Variants in RPS6KB1 observed in about 807,000 individuals in gnomAD.
RPS6KB1 encodes ribosomal protein S6 kinase B1, also known as ribosomal protein S6 kinase beta-1.
In RPS6KB1, 12 loss-of-function variants were observed where a neutral mutation model predicts 70.2. The observed-to-expected ratio is 0.17, with a 90% confidence interval of 0.11 to 0.28. The LOEUF (loss-of-function observed/expected upper bound fraction) is 0.28. RPS6KB1 is among the 10% of genes least tolerant of loss of function. The pLI, the probability that RPS6KB1 is intolerant of heterozygous loss-of-function variation, is 1.00. For missense variants in RPS6KB1, 270 were observed against 646.6 expected (o/e 0.42, Z 6.32); for synonymous variants, 175 against 211.2 (o/e 0.83, Z 1.49).
intron 7 of RPS6KB1, 100 bp downstream of exon 7, chr17:59,931,822 T>C: frequency 1.4e-6 from 1 of 724,368 alleles, no homozygotes; most frequent in Non-Finnish European, 2.4e-6. Flanking sequence ...ATCTCTCTAT[T>C]TTGTATATTT....
In RPS6KB1 at chr17:59,931,735, C is replaced by T. The variant is rs190355625; in HGVS notation, c.688+13C>T. The T allele has an allele frequency of 5.9e-5, 91 of 1,546,180 alleles. 1 individual carries two copies. The African/African-American group carries it at 6.5e-4, about 11-fold the overall frequency. On this transcript the variant is annotated intron_variant, in intron 7 of 14. Coordinates refer to ENST00000225577, the MANE Select transcript of RPS6KB1 (RefSeq NM_003161.4). ...CTTAATCACCAAGGTGGAGACATAC[C>T]GTAAACAATTCTATAGTAAATAATC... is the stretch of plus-strand genomic sequence containing the variant.
At chr17:59,926,676 T>G (rs927717265) in intron 5 of RPS6KB1, 94 bp downstream of exon 5, 1 of 1,086,358 alleles carries the variant, frequency 9.2e-7, no homozygotes, top group Non-Finnish European at 1.4e-6. Flanking sequence ...TTTCCCATTA[T>G]GATCAAATAG....
intron 2 of RPS6KB1, 168 bp from the exon 3 acceptor site, chr17:59,912,516 C>A: frequency 1.7e-6 from 1 of 574,634 alleles, no homozygotes; most frequent in South Asian, 2.4e-5. Flanking sequence ...AGGCCACCCT[C>A]CTCTTGACCT....
chr17:59,930,535 T>G (rs1016648581), intron 6 of RPS6KB1: 13 of 194,444 alleles, frequency 6.7e-5, no homozygotes, highest in Non-Finnish European at 9.4e-5. Flanking sequence ...TTTTAGGCTT[T>G]CTATTTCTCA....
Position 59,904,760 on chromosome 17 carries a change from G to A in RPS6KB1, c.142-5802G>A, listed in dbSNP as rs376894848. On this transcript the variant is annotated intron_variant, in intron 1 of 14. Transcript: ENST00000225577. ...TGCCCAGGCTGGAGTGCAGTGGCGC[G>A]ATCTCAGCTCACTGCAACCTCTGCC... 1.3e-4 allele frequency among the ~76,000 whole-genome samples: 17 copies of A among 132,364 alleles called. No individual in the cohort carries two copies. The Middle Eastern group carries it at 0.014, about 110-fold the overall frequency. The allele number at this position is 132,364 out of a possible 152,430, so 86.8% of individuals were successfully genotyped here.
At chr17:59,935,407 CA>C (rs11459613) in intron 10 of RPS6KB1, 107 bp downstream of exon 10, 6 of 550,824 alleles carry the variant, frequency 1.1e-5, no homozygotes, top group Non-Finnish European at 1.6e-5. Flanking sequence ...AAATATTGAA[CA>C]AAAAAGTCTT....
At chr17:59,898,756 C>T (rs1411701685) in intron 1 of RPS6KB1, among the ~76,000 whole-genome samples, 2 of 152,052 alleles carry the variant, frequency 1.3e-5, no homozygotes, top group East Asian at 3.9e-4. Flanking sequence ...CGTGCCCGGC[C>T]AGCAGCAACT....
chr17:59,910,742 G>A (rs1159792665), intron 2 of RPS6KB1, 131 bp downstream of exon 2: 2 of 622,038 alleles, frequency 3.2e-6, no homozygotes, highest in East Asian at 3.1e-5. Flanking sequence ...TCAACTCGAT[G>A]TATTGAATTT....
At position 59,926,500 on chromosome 17, in the gene RPS6KB1, A is replaced by T. The variant is rs1467731056; in HGVS notation, c.447A>T (p.Glu149Asp). ...AAGCAGAACGGAATATTCTGGAGGA[A>T]GTAAAGCATCCCTTCATCGTGGATT... ...HTKAERNILE[E>D]VKHPFIVDLI... Residue 149 changes from glutamate to aspartate, a missense_variant, in exon 5 of 15, where the codon GAA becomes GAT. Physicochemically the swap from Glu to Asp is conservative, Grantham distance 45. Coordinates refer to ENST00000225577, the MANE Select transcript of RPS6KB1 (RefSeq NM_003161.4). 2 of 1,611,644 alleles carry T rather than the reference A, an allele frequency of 1.2e-6. No individual in the cohort carries two copies. Among genetic ancestry groups the T allele is most frequent in the Non-Finnish European group, 1.7e-6 (2 of 1,177,828 alleles).
chr17:59,898,247 A>T (rs1410713318), intron 1 of RPS6KB1, among the ~76,000 whole-genome samples: 1 of 152,158 alleles, frequency 6.6e-6, no homozygotes, highest in African/African-American at 2.4e-5. Flanking sequence ...CTAATTCAAA[A>T]TTTGAAATAA....
At chr17:59,929,431 C>T (rs2043812507) in intron 5 of RPS6KB1, among the ~76,000 whole-genome samples, 1 of 152,226 alleles carries the variant, frequency 6.6e-6, no homozygotes, top group South Asian at 2.1e-4. Context: ...TGAATCTTGC[C>T]TGCAACAATT....
intron 1 of RPS6KB1, among the ~76,000 whole-genome samples, chr17:59,902,893 T>G (rs1187898933): frequency 6.6e-6 from 1 of 152,086 alleles, no homozygotes; most frequent in Non-Finnish European, 1.5e-5. Context: ...AATAAACCTT[T>G]TAGAAGGCTG....
chr17:59,932,247 C>CAA (rs761712349), intron 7 of RPS6KB1, among the ~76,000 whole-genome samples: 29 of 127,546 alleles, frequency 2.3e-4, no homozygotes, highest in African/African-American at 7.9e-4. Context: ...TACAAAAATA[C>CAA]AAAAAAAAAA....
rs1568377126 is a variant in RPS6KB1 at position 59,900,207 on chromosome 17, CA to C, written c.141+6883del. 6.0e-5 allele frequency among the ~76,000 whole-genome samples: 9 copies of C among 150,696 alleles called. No homozygotes were observed. The East Asian group carries it at 7.9e-4, about 13-fold the overall frequency. On this transcript the variant is annotated intron_variant, in intron 1 of 14. Coordinates refer to ENST00000225577, the MANE Select transcript of RPS6KB1 (RefSeq NM_003161.4). ...ACACACACACACACACACACACACA[CA>C]CACACACACACACACACACACACCC...
intron 7 of RPS6KB1, among the ~76,000 whole-genome samples, chr17:59,932,195 A>G (rs561656296): frequency 6.6e-6 from 1 of 151,924 alleles, no homozygotes; most frequent in Non-Finnish European, 1.5e-5. Context: ...ACCTGAGGTC[A>G]GGAGTTCAAG....
intron 5 of RPS6KB1, among the ~76,000 whole-genome samples, chr17:59,927,082 CTATT>C (rs1052541592): frequency 5.3e-5 from 8 of 151,760 alleles, no homozygotes; most frequent in African/African-American, 1.5e-4. Context: ...TCACAGGTGT[CTATT>C]TATTTTTTTT....
intron 2 of RPS6KB1, chr17:59,912,344 T>C (rs2042695578): frequency 4.4e-6 from 1 of 228,966 alleles, no homozygotes; most frequent in African/African-American, 2.3e-5. Context: ...ACGAAGGATA[T>C]AGATTTCATT....
At chr17:59,908,948 CAG>C (rs1228487805) in intron 1 of RPS6KB1, among the ~76,000 whole-genome samples, 1 of 105,744 alleles carries the variant, frequency 9.5e-6, no homozygotes, top group African/African-American at 3.8e-5. Flanking sequence ...TTTTTTGAGA[CAG>C]GGTTTCGCTC....
At chr17:59,926,093 T>C (rs1275139539) in intron 4 of RPS6KB1, among the ~76,000 whole-genome samples, 2 of 152,214 alleles carry the variant, frequency 1.3e-5, no homozygotes, top group African/African-American at 4.8e-5. Flanking sequence ...TAGACTCCTA[T>C]GGACAGGGCA....
Sources: allele counts gnomAD v4.1 joint callset (sites outside exome capture counted in the v4.1 genomes callset), GRCh38; gene constraint gnomAD v4.1.1; transcripts MANE v1.5; gene names NCBI Gene and HGNC (gene_info 2026-07-23, HGNC 2026-07-21).